The following GALNT18 variants were observed in gnomAD, a reference collection of about 807,000 sequenced individuals.
GALNT18 encodes the protein GalNAc-transferase 18.
GALNT18 carries 44 observed loss-of-function variants against 69.5 expected under a neutral mutation model. The observed-to-expected ratio is 0.63, with a 90% CI of 0.50 to 0.81. The LOEUF (loss-of-function observed/expected upper bound fraction) is 0.81, where lower values mean the gene tolerates loss of function less well. GALNT18 is among the 40% of genes least tolerant of loss of function. GALNT18 has a pLI of 0.00. For missense variants in GALNT18, 715 were observed against 810.0 expected (o/e 0.88, Z 1.42); for synonymous variants, 364 against 318.2 (o/e 1.14, Z -1.53).
At chr11:11,278,064 T>G (rs1250749134) in intron 10 of GALNT18, among the ~76,000 whole-genome samples, 1 of 151,030 alleles carries the variant, frequency 6.6e-6, no homozygotes. Context: ...CCTGTTAACC[T>G]TTTGCCTCGT....
rs1214634503 is a variant in GALNT18 at position 11,523,261 on chromosome 11, G to A, written c.236-74325C>T. Among the ~76,000 whole-genome samples the A allele has an allele frequency of 1.3e-5, 2 of 152,098 alleles. No homozygotes were observed. The highest frequency in any genetic ancestry group is 2.9e-5 in the Non-Finnish European group (2 of 68,026). On this transcript the variant is annotated intron_variant, in intron 1 of 10. Transcript: ENST00000227756. This position sits in a 1 kb window ranked among gnomAD's most constrained non-coding sequence, Gnocchi z 4.3. ...AGAATAGGTCCTGCATGCCCTCCAA[G>A]TACAGCATCTCTTTTAATACAACAG...
In GALNT18 at chr11:11,318,209, G is replaced by A. The variant is rs1159022527; in HGVS notation, c.1512+8877C>T. Among the ~76,000 whole-genome samples the A allele has an allele frequency of 6.6e-6, 1 of 152,168 alleles. No homozygotes were observed. Among genetic ancestry groups the A allele is most frequent in the Non-Finnish European group, 1.5e-5 (1 of 68,042 alleles). ...ATTTCCACTCTTCCCATTTGGAGGT[G>A]AACTGGGTTGGATTGTGTCACCCCA... On this transcript the variant is annotated intron_variant, in intron 9 of 10. Coordinates refer to ENST00000227756, the MANE Select transcript of GALNT18 (RefSeq NM_198516.3). The surrounding 1 kb of genome is among the most constrained non-coding windows in gnomAD (Gnocchi z 5.1).
intron 2 of GALNT18, among the ~76,000 whole-genome samples, chr11:11,443,758 A>G (rs1855584072): frequency 6.6e-6 from 1 of 152,248 alleles, no homozygotes; most frequent in Non-Finnish European, 1.5e-5. Flanking sequence ...GATGAGGTCC[A>G]GGAGGCTTCA....
intron 10 of GALNT18, among the ~76,000 whole-genome samples, chr11:11,280,757 C>T (rs1190564777): frequency 6.6e-6 from 1 of 152,174 alleles, no homozygotes; most frequent in Non-Finnish European, 1.5e-5. Flanking sequence ...CAAGAGGCCC[C>T]TTCAATATAG....
intron 3 of GALNT18, among the ~76,000 whole-genome samples, chr11:11,384,044 C>T (rs79426838): frequency 0.029 from 4,464 of 151,908 alleles, 158 homozygotes; most frequent in East Asian, 0.17. Flanking sequence ...TACTATTAGT[C>T]CATTCATGGA....
At chr11:11,279,614 A>G (rs1055387498) in intron 10 of GALNT18, among the ~76,000 whole-genome samples, 2 of 148,052 alleles carry the variant, frequency 1.4e-5, no homozygotes, top group African/African-American at 4.9e-5. Flanking sequence ...AATCTCACCA[A>G]TACAATGTCG....
At chr11:11,283,309 G>T (rs1849122659) in intron 10 of GALNT18, among the ~76,000 whole-genome samples, 1 of 152,154 alleles carries the variant, frequency 6.6e-6, no homozygotes, top group Non-Finnish European at 1.5e-5. Context: ...ATCATGCCTG[G>T]CTAGTATTTG....
chr11:11,371,831 C>T (rs998409314), intron 6 of GALNT18, among the ~76,000 whole-genome samples: 1 of 152,142 alleles, frequency 6.6e-6, no homozygotes, highest in Non-Finnish European at 1.5e-5. Flanking sequence ...TTTTCACCGG[C>T]CAAGGGGGAA....
chr11:11,277,305 G>A (rs920759337), intron 10 of GALNT18, among the ~76,000 whole-genome samples: 11 of 152,160 alleles, frequency 7.2e-5, no homozygotes, highest in Non-Finnish European at 1.5e-4. Context: ...GTGTAGAGGT[G>A]TTTACAGTAT....
chr11:11,281,019 G>A (rs1198076164), intron 10 of GALNT18, among the ~76,000 whole-genome samples: 1 of 152,102 alleles, frequency 6.6e-6, no homozygotes, highest in Non-Finnish European at 1.5e-5. Context: ...CACCCAGGCT[G>A]GGCTGTGTTG....
At position 11,598,057 on chromosome 11, in the gene GALNT18, T is replaced by C. The variant is rs990351468; in HGVS notation, c.235+23302A>G. On this transcript the variant is annotated intron_variant, in intron 1 of 10. Transcript: ENST00000227756. The surrounding 1 kb of genome is among the most constrained non-coding windows in gnomAD (Gnocchi z 4.8). Reference sequence around the variant, plus strand: ...AACCAACTTTTGGTTTTATTGATCTTCTCTATTGGCTTTCTATTCTCCATT... The same window carrying C: ...AACCAACTTTTGGTTTTATTGATCTCCTCTATTGGCTTTCTATTCTCCATT... Among the ~76,000 whole-genome samples the C allele has an allele frequency of 1.2e-4, 19 of 152,158 alleles. No homozygotes were observed. The highest frequency in any genetic ancestry group is 4.4e-5 in the Non-Finnish European group (3 of 68,034).
chr11:11,293,378 T>C (rs1160416263), intron 9 of GALNT18, among the ~76,000 whole-genome samples, 185 bp from the exon 10 acceptor site: 1 of 152,154 alleles, frequency 6.6e-6, no homozygotes, highest in Non-Finnish European at 1.5e-5. Flanking sequence ...CCTTTTACAT[T>C]ATGATCCGGT....
chr11:11,414,568 C>T (rs1854809074), intron 3 of GALNT18, among the ~76,000 whole-genome samples: 1 of 152,218 alleles, frequency 6.6e-6, no homozygotes, highest in African/African-American at 2.4e-5. Flanking sequence ...ATCATCTAAC[C>T]TGAAGCATGC....
rs562432391 is a variant in GALNT18, at chr11:11,297,398, G to T, written c.1513-4205C>A. ...ACAGACGAGAAAGCTGAGGCACGGA[G>T]ACCATAAGCAATGTTTCCAAAGTCG... On this transcript the variant is annotated intron_variant, in intron 9 of 10. Coordinates refer to ENST00000227756, the MANE Select transcript of GALNT18 (RefSeq NM_198516.3). Among the ~76,000 whole-genome samples the T allele has an allele frequency of 3.9e-5, 6 of 152,286 alleles. No individual in the cohort carries two copies. In the South Asian group the frequency reaches 1.2e-3, roughly 32 times the overall value.
At chr11:11,556,092 G>A (rs1858326797) in intron 1 of GALNT18, among the ~76,000 whole-genome samples, 2 of 152,326 alleles carry the variant, frequency 1.3e-5, no homozygotes, top group South Asian at 2.1e-4. Flanking sequence ...TTTCATGGAG[G>A]AAACTAAGAC....
In GALNT18 at chr11:11,389,622, G is replaced by A. The variant is rs1331529178; in HGVS notation, c.596-10358C>T. On this transcript the variant is annotated intron_variant, in intron 3 of 10. Coordinates refer to ENST00000227756, the MANE Select transcript of GALNT18 (RefSeq NM_198516.3). The surrounding 1 kb of genome is among the most constrained non-coding windows in gnomAD (Gnocchi z 4.3). ...TGATGTCAGCTGTGTCCAGGCAGGA[G>A]TGGACGCTGCTCCAGCCCCAGCTCC... Among the ~76,000 whole-genome samples, 1 of 152,226 alleles carries A rather than the reference G, an allele frequency of 6.6e-6. No individual in the cohort carries two copies. The highest frequency in any genetic ancestry group is 1.5e-5 in the Non-Finnish European group (1 of 68,036).
chr11:11,316,921 G>A (rs951724973), intron 9 of GALNT18, among the ~76,000 whole-genome samples: 2 of 152,176 alleles, frequency 1.3e-5, no homozygotes, highest in Non-Finnish European at 2.9e-5. Flanking sequence ...GTCTTGTAAT[G>A]CTTGACGTAA....
intron 10 of GALNT18, among the ~76,000 whole-genome samples, chr11:11,273,765 C>A (rs7948918): frequency 4.6e-5 from 7 of 152,000 alleles, no homozygotes; most frequent in African/African-American, 1.5e-4. Flanking sequence ...CAGCACTATT[C>A]GCAATAGACA....
In GALNT18 at chr11:11,270,926, C is replaced by T. The variant is rs888786046; in HGVS notation, c.*218G>A. On this transcript the variant is annotated 3_prime_UTR_variant, in exon 11 of 11. Coordinates refer to ENST00000227756, the MANE Select transcript of GALNT18 (RefSeq NM_198516.3). Reference sequence around the variant, plus strand: ...AGTTATAAATATTTTCCATCTGTCCCCTATTTACAACTGCAAAATAGTTTG... The same window carrying T: ...AGTTATAAATATTTTCCATCTGTCCTCTATTTACAACTGCAAAATAGTTTG... 4 of 444,460 alleles carry T rather than the reference C, an allele frequency of 9.0e-6. No homozygotes were observed. The highest frequency in any genetic ancestry group is 1.9e-5 in the African/African-American group (1 of 51,598). The allele number at this position is 444,460 out of a possible 1,614,324, so 27.5% of individuals were successfully genotyped here.
Sources: gnomAD v4.1 joint callset for allele counts (sites outside exome capture counted in the v4.1 genomes callset) on GRCh38, gnomAD v4.1.1 for gene constraint, Gnocchi (gnomAD v3.1) non-coding constraint, MANE v1.5 for transcripts, NCBI Gene and HGNC (gene_info 2026-07-23, HGNC 2026-07-21) for gene names.